FMN1: variants seen among roughly 807,000 people sequenced by gnomAD.
FMN1 encodes formin 1, also known as formin-1.
Under a neutral mutation model 132.4 loss-of-function variants are expected in FMN1, and 110 were observed. The ratio of observed to expected loss-of-function variants is 0.83; its 90% CI spans 0.71 to 0.97. The LOEUF is 0.97. FMN1 is among the 50% of genes least tolerant of loss of function. The pLI is 0.00. For synonymous variants in FMN1, 722 were observed against 651.7 expected, an observed-to-expected ratio of 1.11 and a Z score of -1.64; for missense variants, 1,792 against 1,705.3, an observed-to-expected ratio of 1.05 and a Z score of -0.90.
intron 17 of FMN1, among the ~76,000 whole-genome samples, chr15:32,814,738 G>A (rs2057997628): frequency 1.3e-5 from 2 of 152,122 alleles, no homozygotes; most frequent in South Asian, 4.1e-4. Flanking sequence ...TAGTCTGAAG[G>A]TGTATAGTTT....
intron 9 of FMN1, among the ~76,000 whole-genome samples, chr15:32,950,933 G>A (rs2061637268): frequency 6.6e-6 from 1 of 151,534 alleles, no homozygotes; most frequent in Non-Finnish European, 1.5e-5. Flanking sequence ...GATGTGATCT[G>A]TATGAAAAAT....
At chr15:32,783,414 T>C (rs949119469) in intron 19 of FMN1, among the ~76,000 whole-genome samples, 3 of 152,100 alleles carry the variant, frequency 2.0e-5, no homozygotes, top group African/African-American at 4.8e-5. Flanking sequence ...GTGAGTCATG[T>C]CCTCTGATGT....
At chr15:32,822,739 A>T (rs1343156755) in intron 17 of FMN1, among the ~76,000 whole-genome samples, 1 of 152,176 alleles carries the variant, frequency 6.6e-6, no homozygotes, top group Non-Finnish European at 1.5e-5. Context: ...CTCTTTTAAA[A>T]ATATTTCATC....
intron 4 of FMN1, among the ~76,000 whole-genome samples, chr15:33,121,284 A>G (rs1310374802): frequency 6.6e-6 from 1 of 152,214 alleles, no homozygotes; most frequent in African/African-American, 2.4e-5. Context: ...CTGAGTTTCA[A>G]TACCACAATG....
chr15:32,947,954 T>G lies in FMN1; in HGVS notation c.3138+16153A>C, dbSNP rs374276121. On this transcript the variant is annotated intron_variant, in intron 9 of 20. Coordinates refer to ENST00000616417, the MANE Select transcript of FMN1 (RefSeq NM_001277313.2). ...TATATTTTATTTGATTTCTTTGCCTTATTACACTTGCTTAGATTAAATAAA... is the reference window on the plus strand; with the variant it reads ...TATATTTTATTTGATTTCTTTGCCTGATTACACTTGCTTAGATTAAATAAA... Among the ~76,000 whole-genome samples, 8 of 152,148 alleles carry G rather than the reference T, an allele frequency of 5.3e-5. No individual in the cohort carries two copies. In the South Asian group the frequency reaches 8.3e-4, roughly 16 times the overall value.
intron 10 of FMN1, among the ~76,000 whole-genome samples, chr15:32,912,219 T>TCA (rs1314305242): frequency 2.6e-5 from 4 of 152,122 alleles, no homozygotes; most frequent in African/African-American, 9.7e-5. Context: ...AAGTAAATAC[T>TCA]CAGTTTTTAA....
At chr15:33,165,104 C>T (rs60621374) in intron 3 of FMN1, among the ~76,000 whole-genome samples, 4,819 of 152,278 alleles carry the variant, frequency 0.032, 285 homozygotes, top group African/African-American at 0.11. Context: ...GATTCCTACT[C>T]GTTGAACATT....
At chr15:32,913,297 T>A (rs2060608215) in intron 10 of FMN1, among the ~76,000 whole-genome samples, 1 of 152,180 alleles carries the variant, frequency 6.6e-6, no homozygotes, top group Non-Finnish European at 1.5e-5. Context: ...ATATTTCTCA[T>A]CAATCCATCC....
intron 4 of FMN1, among the ~76,000 whole-genome samples, chr15:33,116,253 C>CT (rs75284368): frequency 0.12 from 17,802 of 152,174 alleles, 1,903 homozygotes; most frequent in East Asian, 0.61. Context: ...TTCTACTTTC[C>CT]TTTATACCTG....
chr15:32,968,420 G>C (rs548816131), intron 8 of FMN1, among the ~76,000 whole-genome samples: 15 of 152,172 alleles, frequency 9.9e-5, no homozygotes, highest in Non-Finnish European at 1.9e-4. Flanking sequence ...GTTGGGGAAA[G>C]CTTTGGCTTA....
At chr15:33,137,479 C>A (rs1251563718) in intron 4 of FMN1, among the ~76,000 whole-genome samples, 1 of 152,108 alleles carries the variant, frequency 6.6e-6, no homozygotes, top group African/African-American at 2.4e-5. Flanking sequence ...CCAAACTAAT[C>A]CCAAAGAGTA....
intron 10 of FMN1, among the ~76,000 whole-genome samples, chr15:32,912,632 A>G (rs2060589697): frequency 1.3e-5 from 2 of 152,172 alleles, no homozygotes; most frequent in Admixed American, 6.5e-5. Flanking sequence ...GACATTTAAG[A>G]GAAGACCTGC....
chr15:33,033,294 T>G (rs1380024600), intron 6 of FMN1, among the ~76,000 whole-genome samples: 1 of 152,194 alleles, frequency 6.6e-6, no homozygotes, highest in East Asian at 1.9e-4. Context: ...CCTCCCAAAG[T>G]GCTGGGATTA....
chr15:32,828,303 G>A (rs917726032), intron 17 of FMN1, among the ~76,000 whole-genome samples: 9 of 152,160 alleles, frequency 5.9e-5, no homozygotes, highest in Admixed American at 5.9e-4. Context: ...AGATCCATAT[G>A]TATCAACATC....
In FMN1 at chr15:33,154,598, T is replaced by G; in HGVS notation, c.317A>C (p.His106Pro). Residue 106 changes from histidine to proline, a missense_variant, in exon 4 of 21, where the codon CAC becomes CCC. By Grantham distance (77) the His-to-Pro change is moderately conservative (BLOSUM62 -2). This residue lies in a region of FMN1 where 638 missense variants were observed against 645.2 expected (regional missense o/e 0.99). Coordinates refer to ENST00000616417, the MANE Select transcript of FMN1 (RefSeq NM_001277313.2). ...GTTCCCCATCGTGATCCCCAGGATG[T>G]GGTCTGAGCTCAGGAGATTGGTTAG... The part of the protein sequence containing the change: ...RLLTNLLSSD[H>P]ILGITMGNQE... 1.3e-6 allele frequency: 2 copies of G among 1,536,074 alleles called. No homozygotes were observed. The highest frequency in any genetic ancestry group is 8.7e-7 in the Non-Finnish European group (1 of 1,146,880).
At chr15:33,009,503 C>T (rs1221661073) in intron 6 of FMN1, among the ~76,000 whole-genome samples, 1 of 152,156 alleles carries the variant, frequency 6.6e-6, no homozygotes, top group Non-Finnish European at 1.5e-5. Flanking sequence ...CATACTCCAC[C>T]GTACACTGGC....
At chr15:32,926,642 C>T (rs1438144550) in intron 9 of FMN1, among the ~76,000 whole-genome samples, 1 of 152,200 alleles carries the variant, frequency 6.6e-6, no homozygotes, top group Non-Finnish European at 1.5e-5. Context: ...CACTTCATAG[C>T]CTCCAATCTT....
intron 19 of FMN1, among the ~76,000 whole-genome samples, chr15:32,780,784 A>C (rs1010937864): frequency 1.3e-5 from 2 of 152,222 alleles, no homozygotes; most frequent in Admixed American, 6.5e-5. Flanking sequence ...CTGTATCAGC[A>C]GTACAGCTCC....
chr15:32,867,346 C>G (rs2059414133), intron 16 of FMN1, among the ~76,000 whole-genome samples: 1 of 152,218 alleles, frequency 6.6e-6, no homozygotes, highest in Non-Finnish European at 1.5e-5. Context: ...CCAGCCTCAC[C>G]CTGCTCTCCC....
Sources: allele counts gnomAD v4.1 joint callset (sites outside exome capture counted in the v4.1 genomes callset), GRCh38; gene constraint gnomAD v4.1.1; regional missense constraint gnomAD v4.1.1; transcripts MANE v1.5; gene names NCBI Gene and HGNC (gene_info 2026-07-23, HGNC 2026-07-21).